The following SEMA4D variants were observed in gnomAD, a reference collection of about 807,000 sequenced individuals.
SEMA4D encodes semaphorin-4D.
Under a neutral mutation model 74.8 loss-of-function variants are expected in SEMA4D, and 22 were observed. That is an observed-to-expected ratio of 0.29 (90% CI 0.21 to 0.42). The LOEUF (loss-of-function observed/expected upper bound fraction) is 0.42. Among genes scored for constraint, SEMA4D ranks in the 10% least tolerant of loss-of-function variants. SEMA4D has a pLI of 1.00. For missense variants in SEMA4D, 937 were observed against 1,118.4 expected, an observed-to-expected ratio of 0.84 and a Z score of 2.31; for synonymous variants, 445 against 463.7, an observed-to-expected ratio of 0.96 and a Z score of 0.52.
At chr9:89,497,687 G>C (rs1826141995) in intron 1 of SEMA4D, among the ~76,000 whole-genome samples, 1 of 151,368 alleles carries the variant, frequency 6.6e-6, no homozygotes, top group Admixed American at 6.6e-5. Context: ...GGAGGGGTCC[G>C]GGTAGGTGTC....
Position 89,414,995 on chromosome 9 carries a change from T to A in SEMA4D, c.-243-9296A>T, listed in dbSNP as rs144434740. Among the ~76,000 whole-genome samples, 444 of 152,294 alleles carry A rather than the reference T, an allele frequency of 2.9e-3. 1 individual carries two copies. The highest frequency in any genetic ancestry group is 0.01 in the African/African-American group (425 of 41,546). ...AGTGAAGAACACAGGCATCCATCTA[T>A]CAGCAATGTCGGCAGGACAAGCGCT... On this transcript the variant is annotated intron_variant, in intron 2 of 15. Coordinates refer to ENST00000422704, the MANE Select transcript of SEMA4D (RefSeq NM_001371194.2).
At chr9:89,493,735 G>A (rs977061741) in intron 1 of SEMA4D, among the ~76,000 whole-genome samples, 10 of 152,288 alleles carry the variant, frequency 6.6e-5, no homozygotes, top group South Asian at 2.1e-4. Flanking sequence ...TATGCAGCAC[G>A]CATCACTTAT....
At position 89,389,054 on chromosome 9, in the gene SEMA4D, C is replaced by T; in HGVS notation, c.775-7G>A. On this transcript the variant is annotated splice_polypyrimidine_tract_variant and splice_region_variant and intron_variant, in intron 9 of 15. Transcript: ENST00000422704. ...TCAGGCCGCCCTGGTCCCCCTAAAA[C>T]CCCAACAAGAAGACGTGGTGGGCCG... The T allele has an allele frequency of 6.2e-7, 1 of 1,613,908 alleles. No homozygotes were observed. The highest frequency in any genetic ancestry group is 8.5e-7 in the Non-Finnish European group (1 of 1,179,880).
In SEMA4D at chr9:89,482,809, G is replaced by C. The variant is rs183495440; in HGVS notation, c.-310+15110C>G. On this transcript the variant is annotated intron_variant, in intron 1 of 15. Coordinates refer to ENST00000422704, the MANE Select transcript of SEMA4D (RefSeq NM_001371194.2). The stretch of plus-strand genomic sequence containing the variant: ...GGTCTCCTCGCTGAGAAAAGAGAAA[G>C]GGGAGAGAGCATGTCTGCATTCTCA... Among the ~76,000 whole-genome samples the C allele has an allele frequency of 1.6e-4, 25 of 152,286 alleles. 1 individual carries two copies. The highest frequency in any genetic ancestry group is 3.4e-3 in the Middle Eastern group (1 of 294).
At chr9:89,489,642 A>C (rs1040695634) in intron 1 of SEMA4D, among the ~76,000 whole-genome samples, 1 of 152,220 alleles carries the variant, frequency 6.6e-6, no homozygotes, top group Non-Finnish European at 1.5e-5. Context: ...ACTTAGAATA[A>C]TGTTTTTGAG....
chr9:89,449,467 A>G, intron 2 of SEMA4D: 1 of 686,686 alleles, frequency 1.5e-6, no homozygotes. Flanking sequence ...CTCCTCGAGG[A>G]TCGAGGGAGC....
intron 4 of SEMA4D, among the ~76,000 whole-genome samples, chr9:89,400,078 G>A (rs995031110): frequency 1.4e-5 from 2 of 147,010 alleles, no homozygotes. Flanking sequence ...AATATTCACT[G>A]TATCAGTAGA....
At position 89,421,798 on chromosome 9, in the gene SEMA4D, T is replaced by TGC. The variant is rs1847019867; in HGVS notation, c.-243-16101_-243-16100dup. ...GGCACATGGTGTGTGACCGTGTGTGTGCGTGTGTGTGTGTGTGTGGGTGTG... is the reference window on the plus strand; with the variant it reads ...GGCACATGGTGTGTGACCGTGTGTGTGCGCGTGTGTGTGTGTGTGTGGGTGTG... On this transcript the variant is annotated intron_variant, in intron 2 of 15. Coordinates refer to ENST00000422704, the MANE Select transcript of SEMA4D (RefSeq NM_001371194.2). Among the ~76,000 whole-genome samples the TGC allele has an allele frequency of 9.9e-5, 15 of 152,110 alleles. No homozygotes were observed. In the South Asian group the frequency reaches 3.1e-3, roughly 32 times the overall value.
At chr9:89,445,597 T>G (rs77962820) in intron 2 of SEMA4D, among the ~76,000 whole-genome samples, 1 of 151,972 alleles carries the variant, frequency 6.6e-6, no homozygotes, top group Non-Finnish European at 1.5e-5. Flanking sequence ...GCAGAACCAA[T>G]AGGATGTGCA....
At chr9:89,383,626 A>C (rs1837704453) in intron 13 of SEMA4D, among the ~76,000 whole-genome samples, 1 of 152,108 alleles carries the variant, frequency 6.6e-6, no homozygotes, top group African/African-American at 2.4e-5. Context: ...CAGGTAACGC[A>C]CTGCACCATG....
chr9:89,433,671 G>A (rs1397960422), intron 2 of SEMA4D, among the ~76,000 whole-genome samples: 1 of 152,232 alleles, frequency 6.6e-6, no homozygotes, highest in African/African-American at 2.4e-5. Flanking sequence ...ATCAGGTTCT[G>A]CCCAAGTACA....
At chr9:89,409,967 A>C (rs975426317) in intron 2 of SEMA4D, among the ~76,000 whole-genome samples, 4 of 151,964 alleles carry the variant, frequency 2.6e-5, no homozygotes, top group African/African-American at 9.7e-5. Context: ...ATGAACTTTA[A>C]GGATAAAAAT....
chr9:89,456,515 GAGA>G (rs559913106), intron 1 of SEMA4D, among the ~76,000 whole-genome samples: 13 of 152,286 alleles, frequency 8.5e-5, no homozygotes, highest in Admixed American at 2.0e-4. Context: ...CCAAAATCAG[GAGA>G]AGAAGGGGAG....
chr9:89,489,172 C>T (rs35239890), intron 1 of SEMA4D, among the ~76,000 whole-genome samples: 28,459 of 152,142 alleles, frequency 0.19, 2,868 homozygotes, highest in East Asian at 0.32. Flanking sequence ...GCAGTGGGAA[C>T]GTAAAATGAT....
At chr9:89,396,673 C>T (rs569298488) in intron 6 of SEMA4D, 64 bp downstream of exon 6, 134 of 1,328,492 alleles carry the variant, frequency 1.0e-4, no homozygotes, top group Non-Finnish European at 1.3e-4. Context: ...CTGCTTTGAG[C>T]CCCCTTCTAC....
Position 89,381,091 on chromosome 9 carries a change from T to G in SEMA4D, c.1627A>C (p.Ile543Leu), listed in dbSNP as rs770145656. The change falls in exon 15 of 16, where the codon ATT (isoleucine) becomes CTT (leucine). Residue 543 changes from isoleucine (I) to leucine (L), a missense_variant. Transcript: ENST00000422704. This position sits in a 1 kb window ranked among gnomAD's most constrained non-coding sequence, Gnocchi z 4.6. ...HQTESPSRGL[I>L]QEMSGDASVC... ...GAAGCATCGCCGCTCATCTCCTGAATCAAACCCCTGCAAAACAACCGGCAC... is the reference window on the plus strand; with the variant it reads ...GAAGCATCGCCGCTCATCTCCTGAAGCAAACCCCTGCAAAACAACCGGCAC... 4 of 1,613,922 alleles carry G rather than the reference T, an allele frequency of 2.5e-6. No homozygotes were observed. Among genetic ancestry groups the G allele is most frequent in the Non-Finnish European group, 3.4e-6 (4 of 1,180,026 alleles).
chr9:89,473,970 T>C (rs531535001), intron 1 of SEMA4D, among the ~76,000 whole-genome samples: 1 of 152,246 alleles, frequency 6.6e-6, no homozygotes, highest in South Asian at 2.1e-4. Context: ...GAGTTCCCTT[T>C]CTCAGGTCCT....
intron 1 of SEMA4D, among the ~76,000 whole-genome samples, chr9:89,461,795 C>T (rs533831130): frequency 1.3e-4 from 20 of 150,666 alleles, no homozygotes; most frequent in South Asian, 8.4e-4. Flanking sequence ...CTCCACCTCC[C>T]GGGTTCAAGT....
chr9:89,405,379 G>A lies in SEMA4D; in HGVS notation c.78C>T (p.Pro26=). Residue 26 remains proline, a synonymous_variant, in exon 3 of 16, where the codon CCC becomes CCT. Coordinates refer to ENST00000422704, the MANE Select transcript of SEMA4D (RefSeq NM_001371194.2). ...VMFGTAMAFA[P]IPRITWEHRE... ...TGTGCTCCCAGGTGATCCGGGGTAT[G>A]GGTGCAAATGCCATCGCTGTCCCAA... The A allele has an allele frequency of 2.5e-6, 4 of 1,614,096 alleles. No individual in the cohort carries two copies. Among genetic ancestry groups the A allele is most frequent in the Non-Finnish European group, 3.4e-6 (4 of 1,179,954 alleles).
Sources: allele counts gnomAD v4.1 joint callset (sites outside exome capture counted in the v4.1 genomes callset), GRCh38; gene constraint gnomAD v4.1.1; non-coding constraint Gnocchi (gnomAD v3.1); transcripts MANE v1.5; gene names NCBI Gene and HGNC (gene_info 2026-07-23, HGNC 2026-07-21).